Variants in ZNF654 observed in about 807,000 individuals in gnomAD.
ZNF654 encodes the protein melanoma-associated antigen.
Under a neutral mutation model 95.3 loss-of-function variants are expected in ZNF654, and 19 were observed. The observed-to-expected ratio is 0.20, with a 90% CI of 0.14 to 0.29. ZNF654 has a LOEUF of 0.29. Ranked by LOEUF, ZNF654 falls within the 10% of genes least tolerant of loss-of-function variation. The pLI is 1.00. For synonymous variants in ZNF654, 413 were observed against 457.9 expected (o/e 0.90, Z 1.25); for missense variants, 1,046 against 1,341.0 (o/e 0.78, Z 3.44).
chr3:88,128,714 AT>A (rs1706269383), intron 4 of ZNF654, 94 bp from the exon 5 acceptor site: 2 of 819,874 alleles, frequency 2.4e-6, no homozygotes, highest in East Asian at 5.4e-5. Flanking sequence ...GTTAAATCTA[AT>A]TAGAAACCAT....
At position 88,106,857 on chromosome 3, in the gene ZNF654, A is replaced by C. The variant is rs560164853; in HGVS notation, c.333-6258A>C. Among the ~76,000 whole-genome samples, 6 of 152,268 alleles carry C rather than the reference A, an allele frequency of 3.9e-5. No individual in the cohort carries two copies. In the South Asian group the frequency reaches 1.2e-3, roughly 32 times the overall value. ...TATAATTTTTAACATTTGGCTGTCC[A>C]GTATGAAGAAGTGAATTTTTCCCTG... On this transcript the variant is annotated intron_variant, in intron 2 of 8. Coordinates refer to ENST00000636215, the MANE Select transcript of ZNF654 (RefSeq NM_001350134.2).
rs1482738058 is a variant in ZNF654, at chr3:88,059,293, T to A, written c.-27T>A. On this transcript the variant is annotated 5_prime_UTR_variant, in exon 1 of 9. Transcript: ENST00000636215. ...ACGGCGGCGGCGGCGGCGCAGGGGC[T>A]GGTACGCGCTGGGCGGCGAGAGCCT... The A allele has an allele frequency of 6.5e-7, 1 of 1,532,372 alleles. No homozygotes were observed. 94.9% of individuals were successfully genotyped at this position (1,532,372 alleles called of 1,614,324 possible).
intron 2 of ZNF654, chr3:88,095,459 A>C (rs1704004189): frequency 1.6e-5 from 6 of 379,648 alleles, no homozygotes; most frequent in South Asian, 6.3e-5. Context: ...CAAGGTACGC[A>C]TGCAACATCA....
chr3:88,059,575 C>T (rs571442149), intron 1 of ZNF654, 70 bp downstream of exon 1: 3 of 1,442,198 alleles, frequency 2.1e-6, no homozygotes, highest in Non-Finnish European at 2.7e-6. Flanking sequence ...CTGGTCTTCT[C>T]GTCCATGAAT....
chr3:88,126,579 CTT>C (rs144091813), intron 4 of ZNF654, among the ~76,000 whole-genome samples: 43,856 of 83,094 alleles, frequency 0.53, 9,879 homozygotes, highest in South Asian at 0.64. Context: ...GTAGAAACAT[CTT>C]TTTTTTTTTT....
chr3:88,125,244 ACC>A (rs1706028842), intron 3 of ZNF654, among the ~76,000 whole-genome samples: 1 of 151,788 alleles, frequency 6.6e-6, no homozygotes, highest in Non-Finnish European at 1.5e-5. Context: ...ACAAAAAAAA[ACC>A]AATATCTAAT....
chr3:88,112,295 AAAC>A (rs1295048292), intron 2 of ZNF654, among the ~76,000 whole-genome samples: 3 of 151,534 alleles, frequency 2.0e-5, no homozygotes, highest in Non-Finnish European at 4.4e-5. Context: ...ACTATTAAAA[AAAC>A]AACTTTAGGT....
intron 2 of ZNF654, among the ~76,000 whole-genome samples, chr3:88,106,146 G>A (rs1401602370): frequency 1.3e-5 from 2 of 152,080 alleles, no homozygotes; most frequent in Non-Finnish European, 2.9e-5. Context: ...CTCAGTCTCA[G>A]GTACTCTGTT....
At chr3:88,065,131 T>A (rs572566960) in intron 1 of ZNF654, among the ~76,000 whole-genome samples, 14 of 152,258 alleles carry the variant, frequency 9.2e-5, no homozygotes, top group Non-Finnish European at 1.5e-4. Flanking sequence ...TAAAAAGTTT[T>A]CAAATTTTGG....
Position 88,139,014 on chromosome 3 carries a change from C to A in ZNF654, c.1345C>A (p.Pro449Thr). Residue 449 changes from proline to threonine, a missense_variant, in exon 8 of 9, where the codon CCT (proline) becomes ACT (threonine). By Grantham distance (38) the Pro-to-Thr change is conservative. This residue lies in a region of ZNF654 where 78 missense variants were observed against 154.2 expected (regional missense o/e 0.51). Transcript: ENST00000636215. ...TTTGAAAAAGGGATTGTTTTTTGAC[C>A]CTGAATTTTGGAACTTCGTAATGAT... is the stretch of plus-strand genomic sequence containing the variant. ...PILKKGLFFD[P>T]EFWNFVMIKK... 8.0e-7 allele frequency: 1 copy of A among 1,243,360 alleles called. No individual in the cohort carries two copies. The highest frequency in any genetic ancestry group is 3.9e-5 in the South Asian group (1 of 25,454). The allele number at this position is 1,243,360 out of a possible 1,614,324, so 77.0% of individuals were successfully genotyped here.
At chr3:88,081,044 TC>T (rs955398098) in intron 1 of ZNF654, among the ~76,000 whole-genome samples, 2 of 152,162 alleles carry the variant, frequency 1.3e-5, no homozygotes, top group African/African-American at 4.8e-5. Context: ...CCTCAGCCTT[TC>T]CTTGTCTTTG....
chr3:88,071,927 C>T (rs1182256909), intron 1 of ZNF654, among the ~76,000 whole-genome samples: 1 of 152,212 alleles, frequency 6.6e-6, no homozygotes, highest in Non-Finnish European at 1.5e-5. Flanking sequence ...CTATTAAATG[C>T]TCATAACTTG....
At chr3:88,070,825 CAG>C (rs1418238835) in intron 1 of ZNF654, among the ~76,000 whole-genome samples, 1 of 152,196 alleles carries the variant, frequency 6.6e-6, no homozygotes, top group African/African-American at 2.4e-5. Context: ...AGCTGAGACT[CAG>C]AGAGATTAAG....
At chr3:88,094,101 A>C (rs1703908300) in intron 2 of ZNF654, among the ~76,000 whole-genome samples, 1 of 80,822 alleles carries the variant, frequency 1.2e-5, no homozygotes, top group South Asian at 7.4e-4. Flanking sequence ...AAGAGATAAT[A>C]TTCTTTTTTT....
chr3:88,135,348 C>G, intron 7 of ZNF654, 146 bp downstream of exon 7: 2 of 539,946 alleles, frequency 3.7e-6, no homozygotes, highest in Non-Finnish European at 5.8e-6. Flanking sequence ...ACATTCTCCT[C>G]TGCCCTAACT....
At chr3:88,096,937 A>G (rs1407583893) in intron 2 of ZNF654, among the ~76,000 whole-genome samples, 1 of 152,180 alleles carries the variant, frequency 6.6e-6, no homozygotes, top group Non-Finnish European at 1.5e-5. Context: ...CTAGTATACT[A>G]TACACACTGT....
intron 1 of ZNF654, among the ~76,000 whole-genome samples, chr3:88,082,542 T>C (rs1708133904): frequency 1.3e-5 from 2 of 152,238 alleles, no homozygotes; most frequent in Admixed American, 6.5e-5. Context: ...TGAAAGTTGA[T>C]GACAATGGGA....
At chr3:88,061,180 T>A (rs1417333793) in intron 1 of ZNF654, among the ~76,000 whole-genome samples, 1 of 152,142 alleles carries the variant, frequency 6.6e-6, no homozygotes, top group Non-Finnish European at 1.5e-5. Context: ...TTCTGAAAAT[T>A]AGGATACAAT....
chr3:88,081,050 T>C (rs1576225477), intron 1 of ZNF654, among the ~76,000 whole-genome samples: 1 of 152,290 alleles, frequency 6.6e-6, no homozygotes, highest in South Asian at 2.1e-4. Flanking sequence ...CCTTTCCTTG[T>C]CTTTGCTTGC....
Sources: gnomAD v4.1 joint callset for allele counts (sites outside exome capture counted in the v4.1 genomes callset) on GRCh38, gnomAD v4.1.1 for gene constraint, gnomAD v4.1.1 regional missense constraint, MANE v1.5 for transcripts, NCBI Gene and HGNC (gene_info 2026-07-23, HGNC 2026-07-21) for gene names.